Variants in TMEM164 observed in about 807,000 individuals in gnomAD.
TMEM164 encodes the protein transmembrane protein 164.
A neutral mutation model predicts 18.8 loss-of-function variants in TMEM164; 4 were observed. That is an observed-to-expected ratio of 0.21 (90% CI 0.10 to 0.49). TMEM164 has a LOEUF of 0.49. TMEM164 is among the 20% of genes least tolerant of loss of function. TMEM164 has a pLI of 0.98. For synonymous variants in TMEM164, 86 were observed against 101.7 expected (o/e 0.85, Z 0.93); for missense variants, 108 against 239.9 (o/e 0.45, Z 3.63).
intron 2 of TMEM164, among the ~76,000 whole-genome samples, chrX:110,052,521 C>A (rs1192552224): frequency 9.0e-6 from 1 of 111,372 alleles, no homozygotes; most frequent in Non-Finnish European, 1.9e-5. Flanking sequence ...TGTATGGAGA[C>A]ATCTTGTTTC....
intron 3 of TMEM164, among the ~76,000 whole-genome samples, chrX:110,105,534 C>T (rs2066176607): frequency 9.1e-6 from 1 of 109,364 alleles, no homozygotes; most frequent in African/African-American, 3.3e-5. Flanking sequence ...TGTGCTTTGT[C>T]GGTAAAGGGC....
At chrX:110,127,781 C>T (rs2148022406) in intron 4 of TMEM164, among the ~76,000 whole-genome samples, 1 of 111,614 alleles carries the variant, frequency 9.0e-6, no homozygotes, top group African/African-American at 3.3e-5. Flanking sequence ...GACAGGATTC[C>T]CATCACCTCC....
At chrX:110,155,708 G>A (rs2067007343) in intron 5 of TMEM164, among the ~76,000 whole-genome samples, 1 of 110,776 alleles carries the variant, frequency 9.0e-6, no homozygotes, top group African/African-American at 3.3e-5. Context: ...CCTCTATACA[G>A]TCTCCAGAGT....
At position 110,176,113 on chromosome X, in the gene TMEM164, CG is replaced by C. The variant is rs2067286782; in HGVS notation, c.*2663del. ...CATTTGCCAGCGTGTGGGAGCTCTGCGCGTGTGTGAGGGTGTTTGTAGAAGA... is the reference window on the plus strand; with the variant it reads ...CATTTGCCAGCGTGTGGGAGCTCTGCCGTGTGTGAGGGTGTTTGTAGAAGA... On this transcript the variant is annotated 3_prime_UTR_variant, in exon 7 of 7. Transcript: ENST00000372068. 1 of 755,026 alleles carries C rather than the reference CG, an allele frequency of 1.3e-6. No individual in the cohort carries two copies. Among genetic ancestry groups the C allele is most frequent in the East Asian group, 1.5e-4 (1 of 6,591 alleles). 62.2% of individuals were successfully genotyped at this position (755,026 alleles called of 1,213,427 possible). A position where few individuals can be genotyped will look rare whatever the true frequency, so the allele number is the denominator to read the frequency against.
rs1229836464 is a variant in TMEM164 at position 110,105,721 on chromosome X, GACAC to G, written c.441-3351_441-3348del. 2.2e-4 allele frequency among the ~76,000 whole-genome samples: 11 copies of G among 50,887 alleles called. No homozygotes were observed. The South Asian group carries it at 4.4e-3, about 20-fold the overall frequency. The allele number at this position is 50,887 out of a possible 115,157, so 44.2% of individuals were successfully genotyped here. A position where few individuals can be genotyped will look rare whatever the true frequency, so the allele number is the denominator to read the frequency against. On this transcript the variant is annotated intron_variant, in intron 3 of 6. Coordinates refer to ENST00000372068, the MANE Select transcript of TMEM164 (RefSeq NM_032227.4). ...ACACACACACACACACACACACACAGACACACACACAGAGAGAGAGAGAGAGAAT... is the reference window on the plus strand; with the variant it reads ...ACACACACACACACACACACACACAGACACACAGAGAGAGAGAGAGAGAAT...
Position 110,123,458 on chromosome X carries a change from A to G in TMEM164, c.507+14312A>G, listed in dbSNP as rs1426206796. On this transcript the variant is annotated intron_variant, in intron 4 of 6. Coordinates refer to ENST00000372068, the MANE Select transcript of TMEM164 (RefSeq NM_032227.4). ...TGAGCAATATAGTGTTCAGATGATA[A>G]GGCCCAGGGGGATTGACTAGCCTGA... Among the ~76,000 whole-genome samples, 3 of 112,018 alleles carry G rather than the reference A, an allele frequency of 2.7e-5. No individual in the cohort carries two copies. In the Admixed American group the frequency reaches 2.8e-4, roughly 11 times the overall value.
intron 2 of TMEM164, among the ~76,000 whole-genome samples, chrX:110,033,938 A>C (rs1019988353): frequency 1.1e-4 from 12 of 111,338 alleles, no homozygotes; most frequent in Admixed American, 3.8e-4. Flanking sequence ...CTGCAGGCAA[A>C]ACTCACAAAT....
In TMEM164 at chrX:110,078,308, A is replaced by G. The variant is rs554590953; in HGVS notation, c.440+10912A>G. Among the ~76,000 whole-genome samples the G allele has an allele frequency of 4.5e-5, 5 of 111,776 alleles. No homozygotes were observed. In the South Asian group the frequency reaches 1.8e-3, roughly 41 times the overall value. ...TGTAGTGAAGTTTTTCAATTCCACC[A>G]GTTCTGTTTGGCTCTTTCTTAAAAT... On this transcript the variant is annotated intron_variant, in intron 3 of 6. Coordinates refer to ENST00000372068, the MANE Select transcript of TMEM164 (RefSeq NM_032227.4).
chrX:110,106,373 C>CTTTT (rs533400529), intron 3 of TMEM164, among the ~76,000 whole-genome samples: 1 of 92,929 alleles, frequency 1.1e-5, no homozygotes. Flanking sequence ...CAGAATCCAG[C>CTTTT]TTTTTTTTTT....
In TMEM164 at chrX:110,126,901, G is replaced by A. The variant is rs779251646; in HGVS notation, c.507+17755G>A. 6.6e-5 allele frequency among the ~76,000 whole-genome samples: 7 copies of A among 106,130 alleles called. No homozygotes were observed. The East Asian group carries it at 9.1e-4, about 14-fold the overall frequency. 92.2% of individuals were successfully genotyped at this position (106,130 alleles called of 115,157 possible). On this transcript the variant is annotated intron_variant, in intron 4 of 6. Transcript: ENST00000372068. ...AAGAACATAAGGTTCTTCATGGAGT[G>A]GGTGTTCAATATATGACTGATTGAA...
downstream of TMEM164, among the ~76,000 whole-genome samples, chrX:110,179,192 T>C (rs1347666941): frequency 9.0e-6 from 1 of 111,665 alleles, no homozygotes; most frequent in East Asian, 2.8e-4. Flanking sequence ...GTTTGTGTCC[T>C]TTCCCCATGG....
chrX:110,117,851 G>C (rs141332084), intron 4 of TMEM164, among the ~76,000 whole-genome samples: 1 of 111,795 alleles, frequency 8.9e-6, no homozygotes, highest in Non-Finnish European at 1.9e-5. Context: ...ATATTTCTAG[G>C]ATTGTTGGTT....
intron 2 of TMEM164, among the ~76,000 whole-genome samples, chrX:110,064,571 T>A (rs1225887409): frequency 9.0e-6 from 1 of 111,514 alleles, no homozygotes; most frequent in African/African-American, 3.3e-5. Context: ...AAATGCAATA[T>A]GAATAATCAG....
intron 5 of TMEM164, among the ~76,000 whole-genome samples, chrX:110,157,785 T>C (rs777764623): frequency 3.0e-4 from 34 of 112,296 alleles, no homozygotes; most frequent in Admixed American, 2.7e-3. Flanking sequence ...TACATTTGGC[T>C]TTTGAACAGT....
At chrX:110,033,532 A>G (rs1175806906) in intron 2 of TMEM164, among the ~76,000 whole-genome samples, 1 of 112,227 alleles carries the variant, frequency 8.9e-6, no homozygotes, top group Non-Finnish European at 1.9e-5. Context: ...CTGGGGAAGT[A>G]GGTATCAGGC....
intron 2 of TMEM164, chrX:110,020,628 A>G (rs1933758382): frequency 1.3e-6 from 1 of 754,420 alleles, no homozygotes; most frequent in African/African-American, 2.3e-5. Flanking sequence ...ATGTCATGAA[A>G]TGTAGAGGGT....
intron 2 of TMEM164, among the ~76,000 whole-genome samples, chrX:110,044,007 A>G (rs1313352076): frequency 8.9e-6 from 1 of 112,286 alleles, no homozygotes; most frequent in East Asian, 2.8e-4. Context: ...TTGAAGGGCT[A>G]TTTTGAAGAA....
chrX:110,054,520 G>T (rs1935724329), intron 2 of TMEM164, among the ~76,000 whole-genome samples: 1 of 112,240 alleles, frequency 8.9e-6, no homozygotes, highest in Admixed American at 9.4e-5. Context: ...ACAAAAAGAA[G>T]AAACAAACGC....
intron 3 of TMEM164, among the ~76,000 whole-genome samples, chrX:110,105,750 TGAGAGAGAGAGAGAGA>T (rs59866982): frequency 3.2e-4 from 23 of 72,167 alleles, no homozygotes; most frequent in South Asian, 9.3e-4. Flanking sequence ...AGAGAGAGAA[TGAGAGAGAGAGAGAGA>T]GAGAGAGAGA....
Sources: gnomAD v4.1 joint callset for allele counts (sites outside exome capture counted in the v4.1 genomes callset) on GRCh38, gnomAD v4.1.1 for gene constraint, MANE v1.5 for transcripts, NCBI Gene and HGNC (gene_info 2026-07-23, HGNC 2026-07-21) for gene names.